TMED10: variants seen among roughly 807,000 people sequenced by gnomAD.
TMED10 encodes the protein transmembrane emp24 domain-containing protein 10.
TMED10 carries 7 observed loss-of-function variants against 23.1 expected under a neutral mutation model. That is an observed-to-expected ratio of 0.30 (90% CI 0.17 to 0.57). The LOEUF (loss-of-function observed/expected upper bound fraction) is 0.57, where lower values mean the gene tolerates loss of function less well. Among genes scored for constraint, TMED10 ranks in the 20% least tolerant of loss-of-function variants. The pLI is 0.91. For synonymous variants in TMED10, 113 were observed against 106.9 expected, an observed-to-expected ratio of 1.06 and a Z score of -0.35; for missense variants, 162 against 274.8, an observed-to-expected ratio of 0.59 and a Z score of 2.90.
intron 3 of TMED10, among the ~76,000 whole-genome samples, chr14:75,145,647 C>T (rs1346088695): frequency 2.6e-5 from 4 of 151,976 alleles, no homozygotes; most frequent in African/African-American, 4.8e-5. Flanking sequence ...ATTAGCTGGG[C>T]GTGGTGATGG....
intron 2 of TMED10, among the ~76,000 whole-genome samples, chr14:75,148,992 C>A (rs141113240): frequency 1.3e-5 from 2 of 152,234 alleles, no homozygotes; most frequent in African/African-American, 4.8e-5. Context: ...TCATGGCTCA[C>A]TGTAGCCTCG....
intron 1 of TMED10, among the ~76,000 whole-genome samples, chr14:75,168,558 CTCAA>C (rs1459522631): frequency 7.2e-5 from 11 of 152,198 alleles, no homozygotes; most frequent in Non-Finnish European, 1.5e-5. Flanking sequence ...CCTCACCCAT[CTCAA>C]TCAGTCCTTC....
rs1395803762 is a variant in TMED10, at chr14:75,133,936, C to A, written c.*949G>T. On this transcript the variant is annotated 3_prime_UTR_variant, in exon 5 of 5. Coordinates refer to ENST00000303575, the MANE Select transcript of TMED10 (RefSeq NM_006827.6). The stretch of plus-strand genomic sequence containing the variant: ...GAAAAAAAGGAAGAAACTATTCATA[C>A]ATGCAACAACTTGGATGGATTTCAA... The A allele has an allele frequency of 1.4e-5, 4 of 286,734 alleles. No homozygotes were observed. Among genetic ancestry groups the A allele is most frequent in the Non-Finnish European group, 2.6e-5 (4 of 151,336 alleles). The allele number at this position is 286,734 out of a possible 1,614,324, so 17.8% of individuals were successfully genotyped here.
At chr14:75,171,281 A>G (rs1896230016) in intron 1 of TMED10, among the ~76,000 whole-genome samples, 1 of 141,950 alleles carries the variant, frequency 7.0e-6, no homozygotes, top group Non-Finnish European at 1.6e-5. Flanking sequence ...ACTGGCTTTA[A>G]TTTTTTTTTT....
At chr14:75,152,593 G>A (rs1242993919) in intron 1 of TMED10, among the ~76,000 whole-genome samples, 1 of 152,212 alleles carries the variant, frequency 6.6e-6, no homozygotes, top group Non-Finnish European at 1.5e-5. Context: ...AGGGGTGTGG[G>A]TGGAGAATAA....
intron 3 of TMED10, among the ~76,000 whole-genome samples, chr14:75,141,613 T>C (rs1380271099): frequency 1.3e-5 from 2 of 152,200 alleles, no homozygotes; most frequent in Admixed American, 6.6e-5. Flanking sequence ...GGCTCTGAGG[T>C]ATTAAATAAT....
chr14:75,161,482 C>A (rs1896084477), intron 1 of TMED10, among the ~76,000 whole-genome samples: 1 of 146,420 alleles, frequency 6.8e-6, no homozygotes. Flanking sequence ...GATGAAAGCT[C>A]ACAAATTTAT....
chr14:75,169,046 G>A (rs1896197999), intron 1 of TMED10, among the ~76,000 whole-genome samples: 1 of 152,138 alleles, frequency 6.6e-6, no homozygotes, highest in Non-Finnish European at 1.5e-5. Flanking sequence ...AGAGTGGGAG[G>A]AAGCAAATAA....
chr14:75,149,295 G>A (rs1049276708), intron 2 of TMED10, among the ~76,000 whole-genome samples: 2 of 152,220 alleles, frequency 1.3e-5, no homozygotes, highest in African/African-American at 4.8e-5. Context: ...TATCATAGAA[G>A]TAGGTTTGTT....
At chr14:75,135,394 C>T (rs909297882) in intron 4 of TMED10, among the ~76,000 whole-genome samples, 2 of 152,074 alleles carry the variant, frequency 1.3e-5, no homozygotes, top group African/African-American at 4.8e-5. Context: ...GAGCCGAGAT[C>T]GCACCACCGT....
At chr14:75,175,883 T>C (rs963067267) in intron 1 of TMED10, 11 of 178,894 alleles carry the variant, frequency 6.1e-5, no homozygotes, top group Admixed American at 1.1e-4. Context: ...AACCAAATGG[T>C]AATATATGCA....
At chr14:75,140,842 T>A (rs1310177542) in intron 3 of TMED10, among the ~76,000 whole-genome samples, 3 of 152,150 alleles carry the variant, frequency 2.0e-5, no homozygotes, top group African/African-American at 7.2e-5. Flanking sequence ...GGTGGATTGC[T>A]GGAGACCAGG....
rs1253077900 is a variant in TMED10, at chr14:75,133,497, GGTGAGGAT to G, written c.*1380_*1387del. The G allele has an allele frequency of 6.6e-6, 1 of 152,264 alleles. No homozygotes were observed. Among genetic ancestry groups the G allele is most frequent in the Non-Finnish European group, 1.5e-5 (1 of 68,086 alleles). 9.4% of individuals were successfully genotyped at this position (152,264 alleles called of 1,614,324 possible). On this transcript the variant is annotated 3_prime_UTR_variant, in exon 5 of 5. Coordinates refer to ENST00000303575, the MANE Select transcript of TMED10 (RefSeq NM_006827.6). ...AAAAATAGTAGTAATACCAAATGCT[GGTGAGGAT>G]GTGAAGAAACTGGATCAATCATACA...
Position 75,135,843 on chromosome 14 carries a change from C to A in TMED10, c.455G>T (p.Arg152Leu). Residue 152 changes from arginine (R) to leucine (L), a missense_variant, in exon 4 of 5, where the codon CGA becomes CTA. This residue lies in a region of TMED10 where 126 missense variants were observed against 239.5 expected (regional missense o/e 0.53). Coordinates refer to ENST00000303575, the MANE Select transcript of TMED10 (RefSeq NM_006827.6). ...EKLKPLEVEL[R>L]RLEDLSESIV... ...AGATTCTGAAAGGTCTTCTAGGCGT[C>A]GCAGCTCTACCTCTAATGGTTTGAG... is the stretch of plus-strand genomic sequence containing the variant. The A allele has an allele frequency of 1.2e-6, 2 of 1,614,144 alleles. No homozygotes were observed. Among genetic ancestry groups the A allele is most frequent in the East Asian group, 2.2e-5 (1 of 44,880 alleles).
At chr14:75,163,212 A>G (rs1263916095) in intron 1 of TMED10, among the ~76,000 whole-genome samples, 1 of 152,152 alleles carries the variant, frequency 6.6e-6, no homozygotes, top group African/African-American at 2.4e-5. Flanking sequence ...ATTGCACTTC[A>G]GCCTGGGTGA....
chr14:75,138,591 C>T (rs1895781670), intron 3 of TMED10, among the ~76,000 whole-genome samples: 1 of 152,186 alleles, frequency 6.6e-6, no homozygotes, highest in Non-Finnish European at 1.5e-5. Context: ...CTTAGTCTAA[C>T]ATCTTCCCTC....
At position 75,176,607 on chromosome 14, in the gene TMED10, G is replaced by A; in HGVS notation, c.-28C>T. On this transcript the variant is annotated 5_prime_UTR_variant, in exon 1 of 5. Transcript: ENST00000303575. ...TGCTGGAGACTCGTTCACCACCGAAGGCCTCAACCGCGCCGGAACCGGGGG... is the reference window on the plus strand; with the variant it reads ...TGCTGGAGACTCGTTCACCACCGAAAGCCTCAACCGCGCCGGAACCGGGGG... 5 of 1,612,180 alleles carry A rather than the reference G, an allele frequency of 3.1e-6. No homozygotes were observed. The highest frequency in any genetic ancestry group is 3.4e-6 in the Non-Finnish European group (4 of 1,178,874).
intron 2 of TMED10, 64 bp from the exon 3 acceptor site, chr14:75,147,801 A>ACCCGCCCGCCCG (rs3832966): frequency 1.6e-6 from 2 of 1,265,044 alleles, no homozygotes; most frequent in Non-Finnish European, 2.1e-6. Flanking sequence ...TTACCCACCC[A>ACCCGCCCGCCCG]CCCGCCCGCC....
intron 1 of TMED10, among the ~76,000 whole-genome samples, chr14:75,166,946 T>C (rs1378218063): frequency 6.7e-6 from 1 of 149,300 alleles, no homozygotes; most frequent in Non-Finnish European, 1.5e-5. Flanking sequence ...TTCCTTTTTT[T>C]TTTTTTTTTT....
Sources: gnomAD v4.1 joint callset for allele counts (sites outside exome capture counted in the v4.1 genomes callset) on GRCh38, gnomAD v4.1.1 for gene constraint, gnomAD v4.1.1 regional missense constraint, MANE v1.5 for transcripts, NCBI Gene and HGNC (gene_info 2026-07-23, HGNC 2026-07-21) for gene names.